CAMK4: variants seen among roughly 807,000 people sequenced by gnomAD.
CAMK4 encodes calcium/calmodulin-dependent protein kinase type IV.
A neutral mutation model predicts 44.9 loss-of-function variants in CAMK4; 22 were observed. The ratio of observed to expected loss-of-function variants is 0.49; its 90% CI spans 0.35 to 0.70. The LOEUF is 0.70. Ranked by LOEUF, CAMK4 falls within the 30% of genes least tolerant of loss-of-function variation. CAMK4 has a pLI of 0.01. For synonymous variants in CAMK4, 218 were observed against 215.4 expected (o/e 1.01, Z -0.11); for missense variants, 498 against 586.8 (o/e 0.85, Z 1.56).
intron 1 of CAMK4, among the ~76,000 whole-genome samples, chr5:111,242,090 C>G (rs1168276335): frequency 6.6e-6 from 1 of 152,150 alleles, no homozygotes; most frequent in African/African-American, 2.4e-5. Context: ...CCACTCACCC[C>G]CAAACAACAG....
chr5:111,360,542 G>C (rs1750551221), intron 2 of CAMK4, among the ~76,000 whole-genome samples: 1 of 152,054 alleles, frequency 6.6e-6, no homozygotes, highest in African/African-American at 2.4e-5. Flanking sequence ...GGACAGTCTT[G>C]GAAAATATCA....
At chr5:111,315,497 T>C (rs1409792874) in intron 1 of CAMK4, among the ~76,000 whole-genome samples, 1 of 152,132 alleles carries the variant, frequency 6.6e-6, no homozygotes, top group African/African-American at 2.4e-5. Flanking sequence ...TAAAATTCAT[T>C]TAGTTTCATT....
At chr5:111,392,947 C>T (rs536932678) in intron 4 of CAMK4, among the ~76,000 whole-genome samples, 114 of 152,150 alleles carry the variant, frequency 7.5e-4, no homozygotes, top group African/African-American at 2.6e-3. Context: ...CAGATTGAAA[C>T]GTATCAAATA....
intron 5 of CAMK4, among the ~76,000 whole-genome samples, chr5:111,423,218 A>G (rs761009063): frequency 2.0e-5 from 3 of 152,222 alleles, no homozygotes; most frequent in Non-Finnish European, 4.4e-5. Flanking sequence ...GATAGTACCA[A>G]TCTAACTCTG....
chr5:111,240,254 C>T (rs1363869763), intron 1 of CAMK4, among the ~76,000 whole-genome samples: 2 of 151,428 alleles, frequency 1.3e-5, no homozygotes, highest in Admixed American at 6.6e-5. Context: ...CCCAGAATCA[C>T]TGCAACTTAC....
chr5:111,232,576 T>A (rs1006300991), intron 1 of CAMK4, among the ~76,000 whole-genome samples: 3 of 151,686 alleles, frequency 2.0e-5, no homozygotes, highest in Admixed American at 6.6e-5. Flanking sequence ...ACAACCTGTT[T>A]AAAAAAAACA....
intron 5 of CAMK4, among the ~76,000 whole-genome samples, chr5:111,400,539 A>G (rs894487388): frequency 5.9e-5 from 9 of 152,134 alleles, no homozygotes; most frequent in South Asian, 2.1e-4. Flanking sequence ...CTTACGTAAC[A>G]TATCTTGCAA....
In CAMK4 at chr5:111,482,819, G is replaced by A. The variant is rs761376306; in HGVS notation, c.863G>A (p.Arg288Gln). ...RKLIVLDPKK[R>Q]LTTFQALQHP... ...TTAATTGTTTTGGATCCAAAGAAACGGCTGACTACATTTCAAGCTCTCCAG... is the reference window on the plus strand; with the variant it reads ...TTAATTGTTTTGGATCCAAAGAAACAGCTGACTACATTTCAAGCTCTCCAG... Residue 288 changes from arginine to glutamine, a missense_variant, in exon 10 of 11, where the codon CGG becomes CAG. Transcript: ENST00000282356. The surrounding 1 kb of genome is among the most constrained non-coding windows in gnomAD (Gnocchi z 4.9). The A allele has an allele frequency of 1.2e-6, 2 of 1,611,762 alleles. No individual in the cohort carries two copies. The highest frequency in any genetic ancestry group is 1.7e-6 in the Non-Finnish European group (2 of 1,179,138).
intron 1 of CAMK4, among the ~76,000 whole-genome samples, chr5:111,336,747 T>G (rs532159391): frequency 9.3e-4 from 140 of 151,284 alleles, no homozygotes; most frequent in African/African-American, 3.2e-3. Context: ...TAACATTAAT[T>G]TTTCAATTTT....
chr5:111,345,748 G>A (rs1749837198), intron 2 of CAMK4, among the ~76,000 whole-genome samples: 1 of 151,950 alleles, frequency 6.6e-6, no homozygotes, highest in South Asian at 2.1e-4. Context: ...GGATAAATTG[G>A]AGAAGGAGGT....
intron 5 of CAMK4, among the ~76,000 whole-genome samples, chr5:111,427,954 C>T (rs1387888206): frequency 1.3e-5 from 2 of 152,242 alleles, no homozygotes; most frequent in Admixed American, 6.5e-5. Context: ...GTGCTGGCTT[C>T]AAGTCTGGCC....
chr5:111,327,296 A>T, intron 1 of CAMK4, among the ~76,000 whole-genome samples: 1 of 150,522 alleles, frequency 6.6e-6, no homozygotes, highest in Non-Finnish European at 1.5e-5. Flanking sequence ...GCTGAGAATG[A>T]TGGTTTCCAG....
intron 1 of CAMK4, among the ~76,000 whole-genome samples, chr5:111,278,779 C>T (rs1750879679): frequency 6.6e-6 from 1 of 152,236 alleles, no homozygotes; most frequent in East Asian, 1.9e-4. Context: ...AAAGAAACCA[C>T]TCCATCCTTT....
intron 5 of CAMK4, among the ~76,000 whole-genome samples, chr5:111,421,667 G>C (rs1291498619): frequency 1.3e-5 from 2 of 152,014 alleles, no homozygotes; most frequent in Non-Finnish European, 2.9e-5. Flanking sequence ...TTGTTTGTTT[G>C]TTTCCAGAAG....
At chr5:111,433,326 G>A (rs1038419617) in intron 5 of CAMK4, among the ~76,000 whole-genome samples, 1 of 152,202 alleles carries the variant, frequency 6.6e-6, no homozygotes. Context: ...CTGTCACATG[G>A]AATCTCAGCA....
chr5:111,419,405 C>T (rs1200419283), intron 5 of CAMK4, among the ~76,000 whole-genome samples: 2 of 152,162 alleles, frequency 1.3e-5, no homozygotes, highest in Middle Eastern at 3.2e-3. Flanking sequence ...CCTGTTCACT[C>T]TGATGGTAGT....
intron 1 of CAMK4, among the ~76,000 whole-genome samples, chr5:111,328,407 A>T (rs952111730): frequency 6.6e-6 from 1 of 152,026 alleles, no homozygotes; most frequent in African/African-American, 2.4e-5. Context: ...TGTTTTGGTT[A>T]CTGTAACCTT....
chr5:111,296,671 G>A (rs936970836), intron 1 of CAMK4, among the ~76,000 whole-genome samples: 1 of 152,154 alleles, frequency 6.6e-6, no homozygotes, highest in African/African-American at 2.4e-5. Context: ...GGCTTAGGGT[G>A]AAAAGGAATC....
intron 5 of CAMK4, among the ~76,000 whole-genome samples, chr5:111,407,426 T>C (rs1253639544): frequency 6.6e-6 from 1 of 151,840 alleles, no homozygotes; most frequent in Non-Finnish European, 1.5e-5. Context: ...CAGTGTCCTT[T>C]TGAGGTCCAG....
Sources: allele counts gnomAD v4.1 joint callset (sites outside exome capture counted in the v4.1 genomes callset), GRCh38; gene constraint gnomAD v4.1.1; non-coding constraint Gnocchi (gnomAD v3.1); transcripts MANE v1.5; gene names NCBI Gene and HGNC (gene_info 2026-07-23, HGNC 2026-07-21).